IGF2BP3: variants seen among roughly 807,000 people sequenced by gnomAD.
IGF2BP3 encodes insulin like growth factor 2 mRNA binding protein 3.
A neutral mutation model predicts 73.8 loss-of-function variants in IGF2BP3; 9 were observed. The observed-to-expected ratio is 0.12, with a 90% confidence interval of 0.07 to 0.21. IGF2BP3 has a LOEUF of 0.21. Among genes scored for constraint, IGF2BP3 ranks in the 10% least tolerant of loss-of-function variants. IGF2BP3 has a pLI of 1.00. For missense variants in IGF2BP3, 542 were observed against 714.0 expected, an observed-to-expected ratio of 0.76 and a Z score of 2.75; for synonymous variants, 258 against 256.7, an observed-to-expected ratio of 1.01 and a Z score of -0.05.
At chr7:23,438,751 TC>T (rs1269325237) in intron 2 of IGF2BP3, among the ~76,000 whole-genome samples, 7 of 152,224 alleles carry the variant, frequency 4.6e-5, no homozygotes, top group African/African-American at 1.7e-4. Context: ...CTAGTTGTGG[TC>T]CTTTAAAACT....
intron 11 of IGF2BP3, among the ~76,000 whole-genome samples, chr7:23,318,170 T>G (rs1467197280): frequency 1.3e-5 from 2 of 152,246 alleles, no homozygotes; most frequent in South Asian, 4.2e-4. Context: ...TTCCTGTGTA[T>G]GCAACACACT....
chr7:23,400,737 T>C (rs1786632210), intron 3 of IGF2BP3, among the ~76,000 whole-genome samples: 1 of 152,186 alleles, frequency 6.6e-6, no homozygotes, highest in South Asian at 2.1e-4. Flanking sequence ...ACCATATGCA[T>C]CGCAGTGTAA....
At position 23,376,551 on chromosome 7, in the gene IGF2BP3, A is replaced by AGAAAG. The variant is rs538725959; in HGVS notation, c.286-14811_286-14810insCTTTC. Reference sequence around the variant, plus strand: ...CTCCATCTCCCAAAGAAAAAAAAAAAAAAAAAAGAAAGAAAGAAAGAAAAA... The same window carrying AGAAAG: ...CTCCATCTCCCAAAGAAAAAAAAAAAGAAAGAAAAAAAGAAAGAAAGAAAGAAAAA... On this transcript the variant is annotated intron_variant, in intron 3 of 14. Coordinates refer to ENST00000258729, the MANE Select transcript of IGF2BP3 (RefSeq NM_006547.3). Among the ~76,000 whole-genome samples the AGAAAG allele has an allele frequency of 2.8e-4, 40 of 142,240 alleles. No individual in the cohort carries two copies. In the South Asian group the frequency reaches 5.7e-3, roughly 20 times the overall value. 93.3% of individuals were successfully genotyped at this position (142,240 alleles called of 152,430 possible).
chr7:23,428,396 C>A (rs758519762), intron 2 of IGF2BP3, among the ~76,000 whole-genome samples: 8 of 151,852 alleles, frequency 5.3e-5, no homozygotes, highest in African/African-American at 1.9e-4. Flanking sequence ...CGCTTGAACT[C>A]GGGAGGCGGA....
chr7:23,376,540 GAAAAAAAA>G (rs763360484), intron 3 of IGF2BP3, among the ~76,000 whole-genome samples: 3 of 88,672 alleles, frequency 3.4e-5, no homozygotes, highest in Non-Finnish European at 5.0e-5. Context: ...ATCTCCCAAA[GAAAAAAAA>G]AAAAAAAAAA....
intron 2 of IGF2BP3, among the ~76,000 whole-genome samples, chr7:23,420,377 C>G (rs993490018): frequency 2.0e-5 from 3 of 152,016 alleles, no homozygotes; most frequent in Non-Finnish European, 4.4e-5. Context: ...ACTCAGGAGA[C>G]TGAGATGGAA....
At chr7:23,409,896 C>T (rs914451119) in intron 3 of IGF2BP3, among the ~76,000 whole-genome samples, 3 of 152,142 alleles carry the variant, frequency 2.0e-5, no homozygotes, top group Non-Finnish European at 4.4e-5. Context: ...TGGCCAGGTG[C>T]GATGGCTCAA....
intron 2 of IGF2BP3, among the ~76,000 whole-genome samples, chr7:23,432,288 T>A (rs1224269973): frequency 6.6e-6 from 1 of 152,226 alleles, no homozygotes; most frequent in East Asian, 1.9e-4. Flanking sequence ...TTACTACTAT[T>A]GTTTGCTTGC....
chr7:23,335,218 A>G (rs1171347241), intron 10 of IGF2BP3, among the ~76,000 whole-genome samples: 1 of 152,066 alleles, frequency 6.6e-6, no homozygotes, highest in African/African-American at 2.4e-5. Context: ...ACTGTGAGAA[A>G]TCTTAAGGAG....
At chr7:23,321,362 G>T (rs375934971) in intron 10 of IGF2BP3, among the ~76,000 whole-genome samples, 3 of 152,264 alleles carry the variant, frequency 2.0e-5, no homozygotes, top group East Asian at 1.9e-4. Context: ...GCGCTTTTCC[G>T]ACGGGCTTAA....
intron 2 of IGF2BP3, among the ~76,000 whole-genome samples, chr7:23,421,102 C>T (rs919055709): frequency 1.3e-5 from 2 of 152,126 alleles, no homozygotes; most frequent in Non-Finnish European, 1.5e-5. Flanking sequence ...CTCTGCCTCC[C>T]GGGTTCAGGC....
intron 3 of IGF2BP3, among the ~76,000 whole-genome samples, chr7:23,398,782 T>G (rs1429851965): frequency 2.6e-5 from 4 of 152,234 alleles, no homozygotes; most frequent in East Asian, 3.8e-4. Context: ...TAAATTTGTT[T>G]GAGTTCATTG....
At chr7:23,468,432 C>G (rs779100327) in intron 2 of IGF2BP3, 50 bp downstream of exon 2, 9 of 1,587,774 alleles carry the variant, frequency 5.7e-6, no homozygotes, top group Non-Finnish European at 7.8e-6. Flanking sequence ...GTCTCTCCAC[C>G]CAATAACGGA....
intron 3 of IGF2BP3, among the ~76,000 whole-genome samples, chr7:23,388,927 T>G (rs1229950394): frequency 6.6e-6 from 1 of 152,100 alleles, no homozygotes; most frequent in Non-Finnish European, 1.5e-5. Flanking sequence ...TAGTAGTATA[T>G]CTACACAACA....
At chr7:23,382,195 G>A (rs997127895) in intron 3 of IGF2BP3, among the ~76,000 whole-genome samples, 5 of 152,138 alleles carry the variant, frequency 3.3e-5, no homozygotes, top group African/African-American at 7.2e-5. Context: ...GCAGTGAGCC[G>A]TGGTTGCAGC....
At chr7:23,457,488 T>A (rs946008213) in intron 2 of IGF2BP3, among the ~76,000 whole-genome samples, 12 of 152,102 alleles carry the variant, frequency 7.9e-5, no homozygotes, top group Non-Finnish European at 5.9e-5. Flanking sequence ...TTTTTTAAAC[T>A]TCTCAACAAG....
chr7:23,389,539 T>C (rs1583978045), intron 3 of IGF2BP3, among the ~76,000 whole-genome samples: 1 of 148,056 alleles, frequency 6.8e-6, no homozygotes, highest in Non-Finnish European at 1.5e-5. Flanking sequence ...ATATATTCAG[T>C]ACTGTTTTTT....
At position 23,361,663 on chromosome 7, in the gene IGF2BP3, T is replaced by C. The variant is rs749936622; in HGVS notation, c.337+27A>G. 5.6e-6 allele frequency: 9 copies of C among 1,613,708 alleles called. No individual in the cohort carries two copies. In the African/African-American group the frequency reaches 1.1e-4, roughly 19 times the overall value. On this transcript the variant is annotated intron_variant, in intron 4 of 14. Coordinates refer to ENST00000258729, the MANE Select transcript of IGF2BP3 (RefSeq NM_006547.3). ...CTTTCTACTTCCTTCCTTTTACAAATTTGAAAGCAATTCAGAAGACATGTA... is the reference window on the plus strand; with the variant it reads ...CTTTCTACTTCCTTCCTTTTACAAACTTGAAAGCAATTCAGAAGACATGTA...
chr7:23,397,757 G>C (rs2128524005), intron 3 of IGF2BP3, among the ~76,000 whole-genome samples: 1 of 152,296 alleles, frequency 6.6e-6, no homozygotes, highest in African/African-American at 2.4e-5. Flanking sequence ...TTTGACACTT[G>C]AGTGCTGATT....
Sources: gnomAD v4.1 joint callset for allele counts (sites outside exome capture counted in the v4.1 genomes callset) on GRCh38, gnomAD v4.1.1 for gene constraint, MANE v1.5 for transcripts, NCBI Gene and HGNC (gene_info 2026-07-23, HGNC 2026-07-21) for gene names.